Variants in KDM1B observed in about 807,000 individuals in gnomAD.
The protein encoded by KDM1B is lysine-specific histone demethylase 2.
In KDM1B, 63 loss-of-function variants were observed where a neutral mutation model predicts 107.4. The observed-to-expected ratio is 0.59, with a 90% CI of 0.48 to 0.72. KDM1B has a LOEUF of 0.72. KDM1B is among the 30% of genes least tolerant of loss of function. The pLI, the probability that KDM1B is intolerant of heterozygous loss-of-function variation, is 0.00. For missense variants in KDM1B, 749 were observed against 1,020.8 expected (o/e 0.73, Z 3.63); for synonymous variants, 363 against 363.9 (o/e 1.00, Z 0.03).
chr6:18,195,743 A>AAAAAAAC, intron 10 of KDM1B, among the ~76,000 whole-genome samples: 1 of 151,898 alleles, frequency 6.6e-6, no homozygotes, highest in Non-Finnish European at 1.5e-5. Context: ...CAAAAAAAAA[A>AAAAAAAC]AAAAAGAGAA....
rs754234783 is a variant in KDM1B at position 18,209,356 on chromosome 6, G to A, written c.1866+1150G>A. Among the ~76,000 whole-genome samples the A allele has an allele frequency of 6.6e-6, 1 of 152,132 alleles. No homozygotes were observed. Among genetic ancestry groups the A allele is most frequent in the Non-Finnish European group, 1.5e-5 (1 of 68,028 alleles). ...GACTAGCTATGCTTCCTACACTTCAGGTATCTAAAACTTATTTCATAGTCC... is the reference window on the plus strand; with the variant it reads ...GACTAGCTATGCTTCCTACACTTCAAGTATCTAAAACTTATTTCATAGTCC... On this transcript the variant is annotated intron_variant, in intron 17 of 21. Coordinates refer to ENST00000650836, the MANE Select transcript of KDM1B (RefSeq NM_001364614.2). This position sits in a 1 kb window ranked among gnomAD's most constrained non-coding sequence, Gnocchi z 4.3.
intron 7 of KDM1B, among the ~76,000 whole-genome samples, chr6:18,184,760 T>TTTTTTTA (rs60640799): frequency 7.6e-6 from 1 of 130,828 alleles, no homozygotes. Context: ...TTTTTTTTTT[T>TTTTTTTA]AAGACAAGGT....
intron 7 of KDM1B, among the ~76,000 whole-genome samples, chr6:18,177,829 G>A (rs945783852): frequency 1.3e-5 from 2 of 152,036 alleles, no homozygotes; most frequent in African/African-American, 4.8e-5. Flanking sequence ...TCATTGTTAT[G>A]TATTGGCTGC....
intron 10 of KDM1B, among the ~76,000 whole-genome samples, chr6:18,195,296 A>G (rs1409576781): frequency 6.6e-6 from 1 of 152,192 alleles, no homozygotes; most frequent in East Asian, 1.9e-4. Context: ...TAAGGATTGG[A>G]ATTACTGGGT....
In KDM1B at chr6:18,186,181, G is replaced by A. The variant is rs189580973; in HGVS notation, c.573+371G>A. Among the ~76,000 whole-genome samples, 54 of 152,208 alleles carry A rather than the reference G, an allele frequency of 3.5e-4. 1 individual carries two copies. The Middle Eastern group carries it at 0.014, about 38-fold the overall frequency. On this transcript the variant is annotated intron_variant, in intron 8 of 21. Transcript: ENST00000650836. This position sits in a 1 kb window ranked among gnomAD's most constrained non-coding sequence, Gnocchi z 5.6. ...AGCACAAGAGGGCCACAATTTGATC[G>A]TCTTGGCCTGGATTCAGCTGCAGGA... is the stretch of plus-strand genomic sequence containing the variant.
At chr6:18,174,537 T>C (rs1189772496) in intron 7 of KDM1B, among the ~76,000 whole-genome samples, 1 of 152,130 alleles carries the variant, frequency 6.6e-6, no homozygotes, top group East Asian at 1.9e-4. Context: ...TAGCGGTGAT[T>C]TGTGAAATTT....
rs1468625108 is a variant in KDM1B, at chr6:18,218,342, C to T, written c.2385+457C>T. ...TCCGCAGTGTTGCCCAGGCTGGCCTCAAACCCGTGGCCTTAAGCAGTCTTC... is the reference window on the plus strand; with the variant it reads ...TCCGCAGTGTTGCCCAGGCTGGCCTTAAACCCGTGGCCTTAAGCAGTCTTC... On this transcript the variant is annotated intron_variant, in intron 21 of 21. Transcript: ENST00000650836. Among the ~76,000 whole-genome samples, 5 of 152,152 alleles carry T rather than the reference C, an allele frequency of 3.3e-5. 1 individual carries two copies. The East Asian group carries it at 9.7e-4, about 29-fold the overall frequency.
rs759694486 is a variant in KDM1B at position 18,214,297 on chromosome 6, G to A, written c.2109+516G>A. On this transcript the variant is annotated intron_variant, in intron 19 of 21. Coordinates refer to ENST00000650836, the MANE Select transcript of KDM1B (RefSeq NM_001364614.2). The surrounding 1 kb of genome is among the most constrained non-coding windows in gnomAD (Gnocchi z 4.4). ...GAATCATGGCTGTTTCTGACTTTCA[G>A]TTTCAAGAAACTTTGTCTTAAAAGG... is the stretch of plus-strand genomic sequence containing the variant. Among the ~76,000 whole-genome samples the A allele has an allele frequency of 2.6e-5, 4 of 152,192 alleles. No individual in the cohort carries two copies. The highest frequency in any genetic ancestry group is 5.9e-5 in the Non-Finnish European group (4 of 68,024).
chr6:18,207,286 C>T, intron 15 of KDM1B, 112 bp from the exon 16 acceptor site: 1 of 1,142,044 alleles, frequency 8.8e-7, no homozygotes, highest in Non-Finnish European at 1.3e-6. Flanking sequence ...GTCTGCCTGT[C>T]CCCTGCCCTC....
chr6:18,194,744 C>T (rs1285876200), intron 10 of KDM1B, among the ~76,000 whole-genome samples: 4 of 151,990 alleles, frequency 2.6e-5, no homozygotes, highest in Admixed American at 2.6e-4. Context: ...AGTGATTGCT[C>T]CTCCTGCCTC....
Position 18,197,883 on chromosome 6 carries a change from G to A in KDM1B, c.1221+222G>A, listed in dbSNP as rs1162057452. ...TGGAGATAATTTTAGACTCTAATGA[G>A]CAAGTCAGAAGAAATTCTAACTTGG... On this transcript the variant is annotated intron_variant, in intron 12 of 21. Transcript: ENST00000650836. This position sits in a 1 kb window ranked among gnomAD's most constrained non-coding sequence, Gnocchi z 4.5. Among the ~76,000 whole-genome samples, 3 of 151,188 alleles carry A rather than the reference G, an allele frequency of 2.0e-5. No homozygotes were observed. Among genetic ancestry groups the A allele is most frequent in the Non-Finnish European group, 4.4e-5 (3 of 67,892 alleles).
At chr6:18,173,369 A>T (rs997972707) in intron 7 of KDM1B, among the ~76,000 whole-genome samples, 7 of 152,100 alleles carry the variant, frequency 4.6e-5, no homozygotes, top group Non-Finnish European at 1.0e-4. Context: ...AGTTTTTTTT[A>T]AATTGGGTTT....
chr6:18,165,781 C>G (rs190356730), intron 5 of KDM1B, among the ~76,000 whole-genome samples: 1 of 152,184 alleles, frequency 6.6e-6, no homozygotes, highest in Non-Finnish European at 1.5e-5. Flanking sequence ...AAGATTGTGC[C>G]ATTGCGCTGC....
chr6:18,194,468 TGCTC>T (rs1414057113), intron 10 of KDM1B, among the ~76,000 whole-genome samples: 1 of 152,206 alleles, frequency 6.6e-6, no homozygotes, highest in Non-Finnish European at 1.5e-5. Context: ...CAGTCGTTCT[TGCTC>T]AGGGAAAACC....
In KDM1B at chr6:18,167,923, A is replaced by G. The variant is rs1785418780; in HGVS notation, c.417+1545A>G. Among the ~76,000 whole-genome samples the G allele has an allele frequency of 2.6e-5, 4 of 151,958 alleles. No individual in the cohort carries two copies. The South Asian group carries it at 8.3e-4, about 32-fold the overall frequency. On this transcript the variant is annotated intron_variant, in intron 6 of 21. Transcript: ENST00000650836. Reference sequence around the variant, plus strand: ...AACTATAGAGTGCACCACCATGTCCAGCTAATTTGTTAATTCTTTATAGAG... The same window carrying G: ...AACTATAGAGTGCACCACCATGTCCGGCTAATTTGTTAATTCTTTATAGAG...
rs1789144174 is a variant in KDM1B at position 18,215,425 on chromosome 6, CTGTT to C, written c.2232+299_2232+302del. Among the ~76,000 whole-genome samples the C allele has an allele frequency of 2.0e-5, 3 of 152,192 alleles. No individual in the cohort carries two copies. The South Asian group carries it at 6.2e-4, about 32-fold the overall frequency. On this transcript the variant is annotated intron_variant, in intron 20 of 21. Coordinates refer to ENST00000650836, the MANE Select transcript of KDM1B (RefSeq NM_001364614.2). ...AGGGTTGGTTTCTCCTGGGTCCTCTCTGTTTGGCTGGTAGATGCTGTCTTCTCCC... is the reference window on the plus strand; with the variant it reads ...AGGGTTGGTTTCTCCTGGGTCCTCTCTGGCTGGTAGATGCTGTCTTCTCCC...
At chr6:18,163,716 A>AT (rs1785112945) in intron 5 of KDM1B, among the ~76,000 whole-genome samples, 2 of 152,192 alleles carry the variant, frequency 1.3e-5, no homozygotes. Flanking sequence ...ATTTACAAAT[A>AT]TTTGGGACAC....
intron 8 of KDM1B, among the ~76,000 whole-genome samples, chr6:18,187,112 T>G (rs1359899315): frequency 2.0e-5 from 3 of 152,152 alleles, no homozygotes; most frequent in Non-Finnish European, 4.4e-5. Context: ...GCAGTGTTGC[T>G]TTGGAAGCCA....
In KDM1B at chr6:18,200,395, A is replaced by T; in HGVS notation, c.1222-44A>T. Reference sequence around the variant, plus strand: ...TTTTTATAATACTGTGTCTGATATAACTCTTGTGTCCTATTTAGCTTCCCT... The same window carrying T: ...TTTTTATAATACTGTGTCTGATATATCTCTTGTGTCCTATTTAGCTTCCCT... On this transcript the variant is annotated intron_variant, in intron 12 of 21. Transcript: ENST00000650836. The surrounding 1 kb of genome is among the most constrained non-coding windows in gnomAD (Gnocchi z 4.3). 6.3e-7 allele frequency: 1 copy of T among 1,584,826 alleles called. No homozygotes were observed.
Sources: allele counts gnomAD v4.1 joint callset (sites outside exome capture counted in the v4.1 genomes callset), GRCh38; gene constraint gnomAD v4.1.1; non-coding constraint Gnocchi (gnomAD v3.1); transcripts MANE v1.5; gene names NCBI Gene and HGNC (gene_info 2026-07-23, HGNC 2026-07-21).